Variants in TMEM116 observed in about 807,000 individuals in gnomAD.
TMEM116 encodes transmembrane protein 116.
TMEM116 carries 38 observed loss-of-function variants against 44.3 expected under a neutral mutation model. That is an observed-to-expected ratio of 0.86 (90% CI 0.66 to 1.12). The LOEUF is 1.12. Ranked by LOEUF, TMEM116 falls within the 50% of genes most tolerant of loss-of-function variation. TMEM116 has a pLI of 0.00. For missense variants in TMEM116, 354 were observed against 401.7 expected (o/e 0.88, Z 1.01); for synonymous variants, 132 against 144.8 (o/e 0.91, Z 0.64).
At chr12:112,007,282 C>T (rs879748144) in intron 1 of TMEM116, among the ~76,000 whole-genome samples, 6 of 152,152 alleles carry the variant, frequency 3.9e-5, no homozygotes, top group Admixed American at 1.3e-4. Context: ...GGCGGGGTGG[C>T]ATGCGCCTGT....
At chr12:112,002,972 T>C (rs1433685349) in intron 3 of TMEM116, among the ~76,000 whole-genome samples, 2 of 152,248 alleles carry the variant, frequency 1.3e-5, no homozygotes, top group African/African-American at 2.4e-5. Flanking sequence ...CCTAGTACTC[T>C]GTTAATCAGG....
At chr12:111,940,771 T>A (rs1204360812) in intron 5 of TMEM116, among the ~76,000 whole-genome samples, 2 of 152,000 alleles carry the variant, frequency 1.3e-5, no homozygotes, top group African/African-American at 4.8e-5. Context: ...CTCAGAAAAT[T>A]ATTGCCCCAT....
chr12:111,936,828 C>T lies in TMEM116; in HGVS notation c.452G>A (p.Cys151Tyr). Residue 151 changes from cysteine (C) to tyrosine (Y), a missense_variant and splice_region_variant, in exon 8 of 11, where the codon TGT becomes TAT. Physicochemically the swap from Cys to Tyr is radical, Grantham distance 194 (BLOSUM62 -2). Coordinates refer to ENST00000552374, the MANE Select transcript of TMEM116 (RefSeq NM_001193531.2). ...TGATGGTGGTGAGTGCATCAAGATACACCTAGGAAGAAAATCAATAAACAG... is the reference window on the plus strand; with the variant it reads ...TGATGGTGGTGAGTGCATCAAGATATACCTAGGAAGAAAATCAATAAACAG... ...CFQNFSQSHK[C>Y]ILMHSPPSAM... is the part of the protein sequence containing the mutation. 1 of 1,593,248 alleles carries T rather than the reference C, an allele frequency of 6.3e-7. No individual in the cohort carries two copies. Among genetic ancestry groups the T allele is most frequent in the Non-Finnish European group, 8.5e-7 (1 of 1,171,360 alleles).
intron 1 of TMEM116, among the ~76,000 whole-genome samples, chr12:112,010,075 A>G: frequency 6.6e-6 from 1 of 152,196 alleles, no homozygotes; most frequent in African/African-American, 2.4e-5. Context: ...TCTGAGCTTA[A>G]AACTGTTTTA....
chr12:112,009,535 T>TAA (rs35585213), intron 1 of TMEM116, among the ~76,000 whole-genome samples: 1,401 of 125,788 alleles, frequency 0.011, 29 homozygotes, highest in African/African-American at 0.038. Context: ...TGGGTTTACT[T>TAA]AAAAAAAAAA....
chr12:111,942,297 GTC>G (rs1293677098), intron 5 of TMEM116, among the ~76,000 whole-genome samples: 1 of 148,278 alleles, frequency 6.7e-6, no homozygotes, highest in South Asian at 2.1e-4. Flanking sequence ...TTGAGACGGA[GTC>G]TCTCTCTGTC....
chr12:111,961,603 T>G (rs1003860268), intron 4 of TMEM116, among the ~76,000 whole-genome samples: 1 of 152,184 alleles, frequency 6.6e-6, no homozygotes, highest in Admixed American at 6.5e-5. Context: ...GAAAAGGACT[T>G]TGACAAAATT....
At chr12:111,941,192 A>G (rs1414232181) in intron 5 of TMEM116, among the ~76,000 whole-genome samples, 2 of 152,072 alleles carry the variant, frequency 1.3e-5, no homozygotes, top group Non-Finnish European at 1.5e-5. Flanking sequence ...CCTGGCCAAC[A>G]TGGTGAAACC....
rs535365708 is a variant in TMEM116, at chr12:111,940,915, A to G, written c.315+2350T>C. On this transcript the variant is annotated intron_variant, in intron 5 of 10. Transcript: ENST00000552374. ...ATGAATGAATAAATAAAAACTTGAA[A>G]TGCTATCCCTGTAAGGCTGCTGGAC... is the stretch of plus-strand genomic sequence containing the variant. Among the ~76,000 whole-genome samples, 4 of 152,290 alleles carry G rather than the reference A, an allele frequency of 2.6e-5. No individual in the cohort carries two copies. In the South Asian group the frequency reaches 6.2e-4, roughly 24 times the overall value.
At chr12:111,949,711 T>G (rs2073564975) in intron 4 of TMEM116, among the ~76,000 whole-genome samples, 2 of 152,222 alleles carry the variant, frequency 1.3e-5, no homozygotes, top group South Asian at 4.1e-4. Flanking sequence ...AAGTTTTTAT[T>G]ATGTACCTAT....
chr12:111,960,810 A>G (rs1002642697), intron 4 of TMEM116, among the ~76,000 whole-genome samples: 1 of 152,178 alleles, frequency 6.6e-6, no homozygotes, highest in Admixed American at 6.5e-5. Flanking sequence ...AGCAGAACAC[A>G]AGAAATAACT....
At chr12:111,968,586 C>T (rs1365773188) in intron 4 of TMEM116, among the ~76,000 whole-genome samples, 1 of 152,122 alleles carries the variant, frequency 6.6e-6, no homozygotes, top group Non-Finnish European at 1.5e-5. Context: ...TCAACTGAAA[C>T]CTACCCAGGA....
At chr12:111,986,192 C>T (rs899308404) in intron 4 of TMEM116, among the ~76,000 whole-genome samples, 2 of 150,468 alleles carry the variant, frequency 1.3e-5, no homozygotes, top group African/African-American at 4.9e-5. Context: ...CCTCTCTCTA[C>T]AAAAAAAAAT....
rs555697677 is a variant in TMEM116, at chr12:111,987,236, G to A, written c.210+4522C>T. The stretch of plus-strand genomic sequence containing the variant: ...AAATGGGGAAGGGGCTGGGCATGGC[G>A]GCTCACACCTGTAATCCCAGCACTT... On this transcript the variant is annotated intron_variant, in intron 4 of 10. Transcript: ENST00000552374. Among the ~76,000 whole-genome samples, 89 of 152,210 alleles carry A rather than the reference G, an allele frequency of 5.8e-4. 1 individual carries two copies. In the South Asian group the frequency reaches 8.9e-3, roughly 15 times the overall value.
chr12:112,001,184 C>T (rs1027854170), intron 3 of TMEM116, among the ~76,000 whole-genome samples: 2 of 152,180 alleles, frequency 1.3e-5, no homozygotes, highest in African/African-American at 4.8e-5. Flanking sequence ...ACGTCCTAAG[C>T]CAAATTAGAC....
chr12:112,012,821 G>C (rs1192346286), intron 1 of TMEM116, 181 bp downstream of exon 1: 1 of 152,550 alleles, frequency 6.6e-6, no homozygotes, highest in African/African-American at 2.4e-5. Context: ...GATCCCAGGA[G>C]CCTGGCGTCT....
intron 4 of TMEM116, among the ~76,000 whole-genome samples, chr12:111,991,351 T>C (rs1455245444): frequency 6.7e-6 from 1 of 149,104 alleles, no homozygotes; most frequent in Non-Finnish European, 1.5e-5. Context: ...TGAAACCCCG[T>C]CTCTACTAAA....
chr12:111,982,058 T>C (rs1204970848), intron 4 of TMEM116, among the ~76,000 whole-genome samples: 1 of 152,098 alleles, frequency 6.6e-6, no homozygotes, highest in Admixed American at 6.6e-5. Flanking sequence ...TGGGGATACA[T>C]TGGTCAAAGT....
At chr12:111,998,356 C>T (rs1277267989) in intron 3 of TMEM116, among the ~76,000 whole-genome samples, 1 of 152,134 alleles carries the variant, frequency 6.6e-6, no homozygotes, top group Non-Finnish European at 1.5e-5. Flanking sequence ...GGAGCAGGTG[C>T]TATGTGCTCT....
Sources: gnomAD v4.1 joint callset for allele counts (sites outside exome capture counted in the v4.1 genomes callset) on GRCh38, gnomAD v4.1.1 for gene constraint, MANE v1.5 for transcripts, NCBI Gene and HGNC (gene_info 2026-07-23, HGNC 2026-07-21) for gene names.